USP31: variants seen among roughly 807,000 people sequenced by gnomAD.
USP31 encodes ubiquitin carboxyl-terminal hydrolase 31.
USP31 carries 44 observed loss-of-function variants against 119.4 expected under a neutral mutation model. The ratio of observed to expected loss-of-function variants is 0.37; its 90% CI spans 0.29 to 0.47. The LOEUF (loss-of-function observed/expected upper bound fraction) is 0.47. Among genes scored for constraint, USP31 ranks in the 20% least tolerant of loss-of-function variants. The probability of loss-of-function intolerance (pLI) is 0.99; values close to 1 mark genes in which losing one functional copy is unlikely to be tolerated. For missense variants in USP31, 1,643 were observed against 1,730.2 expected (o/e 0.95, Z 0.89); for synonymous variants, 749 against 705.6 (o/e 1.06, Z -0.97).
chr16:23,082,291 C>G, intron 12 of USP31, 147 bp downstream of exon 12: 1 of 1,085,536 alleles, frequency 9.2e-7, no homozygotes, highest in Non-Finnish European at 1.3e-6. Flanking sequence ...ACCCTAAACA[C>G]AGGGGCAAAA....
intron 13 of USP31, among the ~76,000 whole-genome samples, chr16:23,074,180 T>C (rs1047974655): frequency 1.7e-4 from 26 of 151,836 alleles, no homozygotes; most frequent in African/African-American, 6.1e-4. Flanking sequence ...GGGAGTGGGA[T>C]TTGGCAATGA....
chr16:23,094,969 T>C (rs181410884), intron 6 of USP31, among the ~76,000 whole-genome samples: 1 of 152,278 alleles, frequency 6.6e-6, no homozygotes, highest in East Asian at 1.9e-4. Flanking sequence ...TCGCAGTTCC[T>C]CGCCAGCAAT....
chr16:23,145,685 A>T (rs920205991), intron 1 of USP31, among the ~76,000 whole-genome samples: 1 of 152,238 alleles, frequency 6.6e-6, no homozygotes, highest in East Asian at 1.9e-4. Context: ...AGCTAAAAAG[A>T]CAACAGGTGG....
At chr16:23,110,829 A>C (rs924509910) in intron 1 of USP31, among the ~76,000 whole-genome samples, 2 of 152,156 alleles carry the variant, frequency 1.3e-5, no homozygotes, top group Non-Finnish European at 2.9e-5. Context: ...TATATATGGG[A>C]GTAAAGAGAA....
At chr16:23,127,871 G>A (rs897646029) in intron 1 of USP31, among the ~76,000 whole-genome samples, 1 of 152,052 alleles carries the variant, frequency 6.6e-6, no homozygotes, top group Non-Finnish European at 1.5e-5. Context: ...TGTACCATAC[G>A]GTCCTAGTAG....
chr16:23,112,531 C>T (rs537098293), intron 1 of USP31, among the ~76,000 whole-genome samples: 31 of 151,590 alleles, frequency 2.0e-4, no homozygotes, highest in Admixed American at 7.2e-4. Context: ...GCTGAGAACG[C>T]GCCATTGCAC....
chr16:23,149,403 GC>G lies in USP31; in HGVS notation c.-134del. On this transcript the variant is annotated 5_prime_UTR_variant, in exon 1 of 16. Transcript: ENST00000219689. ...GACGCCCCACACACCTCAAAGCGCA[GC>G]CGAGCCAGCGAGCGAGCGGCGGCCG... 1.0e-6 allele frequency: 1 copy of G among 966,422 alleles called. No individual in the cohort carries two copies. The highest frequency in any genetic ancestry group is 1.2e-6 in the Non-Finnish European group (1 of 814,092). 59.9% of individuals were successfully genotyped at this position (966,422 alleles called of 1,614,324 possible).
intron 13 of USP31, among the ~76,000 whole-genome samples, chr16:23,078,121 G>A (rs776083483): frequency 2.6e-4 from 40 of 152,050 alleles, no homozygotes; most frequent in Non-Finnish European, 2.8e-4. Flanking sequence ...AGACCATCCT[G>A]GCCAACATGG....
At chr16:23,081,335 C>T (rs889779250) in intron 12 of USP31, among the ~76,000 whole-genome samples, 29 of 152,204 alleles carry the variant, frequency 1.9e-4, no homozygotes, top group African/African-American at 6.8e-4. Context: ...CAACGGAATA[C>T]ACAGTGGGTG....
intron 6 of USP31, among the ~76,000 whole-genome samples, chr16:23,095,300 A>C (rs1901553900): frequency 6.6e-6 from 1 of 152,204 alleles, no homozygotes; most frequent in Admixed American, 6.5e-5. Flanking sequence ...TTAGAGAAAA[A>C]AGAGTAAAAA....
chr16:23,123,112 G>A (rs1902728695), intron 1 of USP31, among the ~76,000 whole-genome samples: 1 of 152,140 alleles, frequency 6.6e-6, no homozygotes, highest in African/African-American at 2.4e-5. Flanking sequence ...ATTCCAGAAA[G>A]GGTACCTTCT....
Position 23,080,049 on chromosome 16 carries a change from C to G in USP31, c.2073G>C (p.Pro691=), listed in dbSNP as rs747576973. 4 of 1,614,092 alleles carry G rather than the reference C, an allele frequency of 2.5e-6. No individual in the cohort carries two copies. Residue 691 remains proline (P), a synonymous_variant, in exon 13 of 16, where the codon CCG becomes CCC. Coordinates refer to ENST00000219689, the MANE Select transcript of USP31 (RefSeq NM_020718.4). ...SSWSLPSHWS[P]WRRPYGLGRD... ...TCCCGAGTCCATAGGGCCGTCTCCA[C>G]GGGGACCAATGCGATGGCAAACTCC... is the stretch of plus-strand genomic sequence containing the variant.
chr16:23,089,022 AT>A (rs1208677755), intron 7 of USP31, among the ~76,000 whole-genome samples: 1 of 152,206 alleles, frequency 6.6e-6, no homozygotes, highest in Non-Finnish European at 1.5e-5. Flanking sequence ...GTGAGGTGAA[AT>A]GAGTTACAAG....
intron 1 of USP31, among the ~76,000 whole-genome samples, chr16:23,123,685 C>A (rs1196969032): frequency 6.6e-6 from 1 of 152,100 alleles, no homozygotes; most frequent in Non-Finnish European, 1.5e-5. Context: ...TATCTAGTTA[C>A]TTAACTAAAA....
At chr16:23,071,999 C>G (rs1190585822) in intron 15 of USP31, 46 bp downstream of exon 15, 28 of 1,581,056 alleles carry the variant, frequency 1.8e-5, no homozygotes, top group Non-Finnish European at 2.4e-5. Context: ...TCTGCTGTGT[C>G]TGTGAGTTAC....
chr16:23,124,744 C>A (rs887238313), intron 1 of USP31, among the ~76,000 whole-genome samples: 1 of 152,028 alleles, frequency 6.6e-6, no homozygotes, highest in African/African-American at 2.4e-5. Context: ...CAAAAATTAG[C>A]CAGGTGTGGT....
intron 1 of USP31, among the ~76,000 whole-genome samples, chr16:23,136,290 A>G (rs985734604): frequency 7.2e-5 from 11 of 152,232 alleles, no homozygotes; most frequent in African/African-American, 2.7e-4. Flanking sequence ...TGGATTTGGC[A>G]ATGATCTATT....
chr16:23,132,455 G>A (rs1015893553), intron 1 of USP31, among the ~76,000 whole-genome samples: 1 of 151,792 alleles, frequency 6.6e-6, no homozygotes, highest in African/African-American at 2.4e-5. Flanking sequence ...TCATTGTGAC[G>A]AGTGTATAGA....
chr16:23,074,270 A>G (rs1900470180), intron 13 of USP31, among the ~76,000 whole-genome samples: 2 of 152,142 alleles, frequency 1.3e-5, no homozygotes, highest in African/African-American at 4.8e-5. Flanking sequence ...GATGCTGCTA[A>G]ACATTCTATA....
Sources: gnomAD v4.1 joint callset for allele counts (sites outside exome capture counted in the v4.1 genomes callset) on GRCh38, gnomAD v4.1.1 for gene constraint, MANE v1.5 for transcripts, NCBI Gene and HGNC (gene_info 2026-07-23, HGNC 2026-07-21) for gene names.